MCTP1: variants seen among roughly 807,000 people sequenced by gnomAD.
MCTP1 encodes the protein multiple C2 and transmembrane domain containing 1.
In MCTP1, 69 loss-of-function variants were observed where a neutral mutation model predicts 120.6. The ratio of observed to expected loss-of-function variants is 0.57; its 90% confidence interval spans 0.47 to 0.70. MCTP1 has a LOEUF of 0.70. Ranked by LOEUF, MCTP1 falls within the 30% of genes least tolerant of loss-of-function variation. The probability of loss-of-function intolerance (pLI) is 0.00; values close to 1 mark genes in which losing one functional copy is unlikely to be tolerated. For synonymous variants in MCTP1, 529 were observed against 493.1 expected (o/e 1.07, Z -0.96); for missense variants, 1,203 against 1,248.8 (o/e 0.96, Z 0.55).
intron 18 of MCTP1, among the ~76,000 whole-genome samples, chr5:94,796,597 ATATATAT>A (rs1314323540): frequency 1.5e-4 from 13 of 85,036 alleles, no homozygotes; most frequent in African/African-American, 5.2e-4. Flanking sequence ...ACACACACAC[ATATATAT>A]AATATATATA....
At chr5:95,220,214 GA>G (rs1056834235) in intron 1 of MCTP1, among the ~76,000 whole-genome samples, 1 of 152,046 alleles carries the variant, frequency 6.6e-6, no homozygotes, top group African/African-American at 2.4e-5. Flanking sequence ...GTACATGAGA[GA>G]TTTTTTTGTG....
At chr5:94,716,384 ACT>A (rs1759350060) in intron 19 of MCTP1, among the ~76,000 whole-genome samples, 2 of 147,918 alleles carry the variant, frequency 1.4e-5, no homozygotes, top group Non-Finnish European at 1.5e-5. Context: ...TATCTTTCAC[ACT>A]CTCCAGTAAA....
rs562867328 is a variant in MCTP1 at position 95,229,609 on chromosome 5, C to G, written c.720+54247G>C. ...TAAAAATACACCACAGGTGTGGTGG[C>G]GGGCGCCTGTAATCTCAGCTACTCA... On this transcript the variant is annotated intron_variant, in intron 1 of 22. Transcript: ENST00000515393. Among the ~76,000 whole-genome samples the G allele has an allele frequency of 4.6e-5, 7 of 152,068 alleles. No individual in the cohort carries two copies. In the South Asian group the frequency reaches 1.5e-3, roughly 32 times the overall value.
At chr5:94,791,831 C>G (rs917651231) in intron 18 of MCTP1, 2 of 152,336 alleles carry the variant, frequency 1.3e-5, no homozygotes, top group Non-Finnish European at 2.9e-5. Flanking sequence ...CTCTCCAGAC[C>G]CACTATCTTT....
intron 1 of MCTP1, among the ~76,000 whole-genome samples, chr5:95,133,460 C>G (rs1442465708): frequency 6.6e-6 from 1 of 152,186 alleles, no homozygotes; most frequent in East Asian, 1.9e-4. Flanking sequence ...TTGAGACCAG[C>G]CTGGCCAACA....
At chr5:94,736,710 G>A (rs2152729452) in intron 19 of MCTP1, among the ~76,000 whole-genome samples, 1 of 152,206 alleles carries the variant, frequency 6.6e-6, no homozygotes, top group African/African-American at 2.4e-5. Context: ...AAGAAACACA[G>A]AGTCCATGAA....
intron 1 of MCTP1, among the ~76,000 whole-genome samples, chr5:95,042,481 T>A (rs1361217858): frequency 6.6e-6 from 1 of 152,210 alleles, no homozygotes; most frequent in Non-Finnish European, 1.5e-5. Context: ...GCCTGATACA[T>A]CATCTTCTTA....
At chr5:95,270,797 G>A (rs1469888353) in intron 1 of MCTP1, among the ~76,000 whole-genome samples, 1 of 152,114 alleles carries the variant, frequency 6.6e-6, no homozygotes, top group Non-Finnish European at 1.5e-5. Flanking sequence ...AGGTGTGATG[G>A]CAGGCACCTG....
At chr5:95,275,233 T>C (rs1289453694) in intron 1 of MCTP1, among the ~76,000 whole-genome samples, 8 of 152,230 alleles carry the variant, frequency 5.3e-5, no homozygotes. Context: ...ATTTAACCTA[T>C]GATGCTTTTA....
intron 1 of MCTP1, among the ~76,000 whole-genome samples, chr5:95,228,906 C>G (rs1221684021): frequency 6.6e-6 from 1 of 152,150 alleles, no homozygotes; most frequent in East Asian, 1.9e-4. Context: ...CGAGCAGATG[C>G]CAGCCTCATG....
intron 1 of MCTP1, among the ~76,000 whole-genome samples, chr5:95,110,348 G>C (rs1757365754): frequency 6.6e-6 from 1 of 152,012 alleles, no homozygotes; most frequent in Non-Finnish European, 1.5e-5. Context: ...GTAAGTATTA[G>C]AGATGTGTGT....
intron 1 of MCTP1, among the ~76,000 whole-genome samples, chr5:95,090,219 T>C (rs1755737567): frequency 6.6e-6 from 1 of 152,230 alleles, no homozygotes; most frequent in Non-Finnish European, 1.5e-5. Context: ...ACATTGTATG[T>C]TTAATTTTGA....
chr5:94,984,069 T>C (rs1292674322), intron 2 of MCTP1, among the ~76,000 whole-genome samples: 2 of 152,220 alleles, frequency 1.3e-5, no homozygotes, highest in East Asian at 3.9e-4. Flanking sequence ...CTAAATCTAT[T>C]TTTAGACTCT....
At chr5:94,840,227 T>C (rs1296662804) in intron 17 of MCTP1, among the ~76,000 whole-genome samples, 1 of 152,082 alleles carries the variant, frequency 6.6e-6, no homozygotes, top group Non-Finnish European at 1.5e-5. Context: ...CTTGGAGCCA[T>C]CTAAGTAAGT....
At chr5:95,101,330 T>C (rs1361148644) in intron 1 of MCTP1, among the ~76,000 whole-genome samples, 1 of 152,156 alleles carries the variant, frequency 6.6e-6, no homozygotes, top group Admixed American at 6.5e-5. Flanking sequence ...TTTTTCAAAA[T>C]AGGTAATATT....
At chr5:94,920,016 A>G (rs1385002680) in intron 7 of MCTP1, among the ~76,000 whole-genome samples, 2 of 152,114 alleles carry the variant, frequency 1.3e-5, no homozygotes, top group Non-Finnish European at 2.9e-5. Flanking sequence ...TTTCTTTTGT[A>G]TTTCCATTGC....
chr5:95,076,783 T>C (rs764214054), intron 1 of MCTP1, among the ~76,000 whole-genome samples: 4 of 152,232 alleles, frequency 2.6e-5, no homozygotes, highest in Non-Finnish European at 5.9e-5. Context: ...GAAAAATCTA[T>C]ACGATAATTG....
intron 4 of MCTP1, among the ~76,000 whole-genome samples, chr5:94,940,830 CATAGTATAATA>C (rs977868592): frequency 1.1e-4 from 17 of 151,400 alleles, no homozygotes; most frequent in Middle Eastern, 3.5e-3. Context: ...CAATGTATTA[CATAGTATAATA>C]ACATAAATAT....
intron 19 of MCTP1, among the ~76,000 whole-genome samples, chr5:94,774,207 CAAAAAAAAAAAAAAAAAAAAAAA>C (rs70978130): frequency 0.1 from 432 of 4,182 alleles, 78 homozygotes; most frequent in Non-Finnish European, 0.12. Flanking sequence ...GACTCCGTCT[CAAAAAAAAAAAAAAAAAAAAAAA>C]AAAAAAAAAA....
Sources: allele counts gnomAD v4.1 joint callset (sites outside exome capture counted in the v4.1 genomes callset), GRCh38; gene constraint gnomAD v4.1.1; transcripts MANE v1.5; gene names NCBI Gene and HGNC (gene_info 2026-07-23, HGNC 2026-07-21).